The following UBE4B variants were observed in gnomAD, a reference collection of about 807,000 sequenced individuals.
UBE4B encodes the protein ubiquitin conjugation factor E4 B.
Under a neutral mutation model 148.1 loss-of-function variants are expected in UBE4B, and 27 were observed. The observed-to-expected ratio is 0.18, with a 90% confidence interval of 0.13 to 0.25. The LOEUF (loss-of-function observed/expected upper bound fraction) is 0.25, where lower values mean the gene tolerates loss of function less well. Among genes scored for constraint, UBE4B ranks in the 10% least tolerant of loss-of-function variants. The pLI is 1.00. For synonymous variants in UBE4B, 596 were observed against 619.3 expected (o/e 0.96, Z 0.56); for missense variants, 1,170 against 1,662.4 (o/e 0.70, Z 5.15).
intron 1 of UBE4B, among the ~76,000 whole-genome samples, chr1:10,071,818 G>T (rs575095685): frequency 2.0e-5 from 3 of 152,044 alleles, no homozygotes; most frequent in Non-Finnish European, 2.9e-5. Context: ...GGCAGGCACC[G>T]CTGAACCTGG....
chr1:10,143,416 A>G (rs927119436), intron 17 of UBE4B, among the ~76,000 whole-genome samples: 2 of 151,916 alleles, frequency 1.3e-5, no homozygotes, highest in African/African-American at 4.8e-5. Context: ...AAAAGACAAC[A>G]ACAAGATCTC....
rs535684391 is a variant in UBE4B at position 10,087,599 on chromosome 1, C to T, written c.212-7862C>T. ...GTCTGGTGTTTTGCTCATGATAAGA[C>T]TGGGGTTGTGGGTTTTGGGGAAGAT... On this transcript the variant is annotated intron_variant, in intron 2 of 27. Coordinates refer to ENST00000343090, the MANE Select transcript of UBE4B (RefSeq NM_001105562.3). Among the ~76,000 whole-genome samples, 15 of 152,310 alleles carry T rather than the reference C, an allele frequency of 9.8e-5. No individual in the cohort carries two copies. The East Asian group carries it at 2.9e-3, about 29-fold the overall frequency.
intron 12 of UBE4B, among the ~76,000 whole-genome samples, chr1:10,129,695 G>A (rs1007777459): frequency 2.0e-5 from 3 of 152,048 alleles, no homozygotes; most frequent in Non-Finnish European, 4.4e-5. Flanking sequence ...CACCCAGGCT[G>A]GATGGAGTGC....
At chr1:10,076,891 C>T (rs532770558) in intron 2 of UBE4B, among the ~76,000 whole-genome samples, 23 of 151,480 alleles carry the variant, frequency 1.5e-4, no homozygotes, top group South Asian at 2.1e-4. Context: ...GGATTACAGG[C>T]GCCTGCCACC....
chr1:10,147,963 C>T (rs774075678), intron 19 of UBE4B, among the ~76,000 whole-genome samples: 6 of 152,176 alleles, frequency 3.9e-5, no homozygotes, highest in Non-Finnish European at 7.3e-5. Context: ...TGCGGTGGCT[C>T]ACGCCTATAA....
At chr1:10,166,079 C>T (rs1038233459) in intron 23 of UBE4B, among the ~76,000 whole-genome samples, 1 of 152,156 alleles carries the variant, frequency 6.6e-6, no homozygotes, top group African/African-American at 2.4e-5. Context: ...CCCCCAGTAT[C>T]CCTGCAGAAT....
intron 1 of UBE4B, among the ~76,000 whole-genome samples, chr1:10,039,715 C>T (rs1430444461): frequency 1.3e-5 from 2 of 151,882 alleles, no homozygotes; most frequent in Non-Finnish European, 2.9e-5. Flanking sequence ...GCTGGGATTA[C>T]AGGCGTGAGC....
At chr1:10,149,151 T>C in intron 19 of UBE4B, 33 bp from the exon 20 acceptor site, 2 of 1,474,340 alleles carry the variant, frequency 1.4e-6, no homozygotes, top group South Asian at 1.3e-5. Context: ...CATAATTTCA[T>C]TTAATAAATT....
intron 7 of UBE4B, chr1:10,107,311 G>T: frequency 7.8e-7 from 1 of 1,289,590 alleles, no homozygotes; most frequent in Non-Finnish European, 1.0e-6. Context: ...GATGATGATG[G>T]TGATGGTGAT....
At chr1:10,171,517 AG>A (rs1396677115) in intron 25 of UBE4B, among the ~76,000 whole-genome samples, 188 bp downstream of exon 25, 1 of 152,318 alleles carries the variant, frequency 6.6e-6, no homozygotes, top group East Asian at 1.9e-4. Context: ...AGGCCAAGGC[AG>A]GGGGATTGCT....
At chr1:10,038,056 G>C (rs894107157) in intron 1 of UBE4B, among the ~76,000 whole-genome samples, 15 of 152,058 alleles carry the variant, frequency 9.9e-5, no homozygotes, top group African/African-American at 3.6e-4. Flanking sequence ...CGAGGTGGGT[G>C]GATCACCTGA....
Position 10,179,022 on chromosome 1 carries a change from A to G in UBE4B, c.3700+204A>G, listed in dbSNP as rs551743877. On this transcript the variant is annotated intron_variant, in intron 26 of 27. Transcript: ENST00000343090. ...AAACATCCTTAGCTTAGCCTGACTT[A>G]AAGCCAGATAACAACCCTGAAGATT... is the stretch of plus-strand genomic sequence containing the variant. 6.4e-5 allele frequency: 35 copies of G among 550,756 alleles called. 1 individual carries two copies. In the South Asian group the frequency reaches 1.2e-3, roughly 20 times the overall value. The allele number at this position is 550,756 out of a possible 1,614,324, so 34.1% of individuals were successfully genotyped here.
intron 12 of UBE4B, among the ~76,000 whole-genome samples, 166 bp downstream of exon 12, chr1:10,129,614 G>A (rs1410194943): frequency 2.6e-5 from 4 of 152,098 alleles, no homozygotes; most frequent in African/African-American, 4.8e-5. Context: ...TGTTAGACAC[G>A]TTATATCCTG....
chr1:10,076,961 G>A (rs1644594765), intron 2 of UBE4B, among the ~76,000 whole-genome samples: 1 of 151,812 alleles, frequency 6.6e-6, no homozygotes, highest in Non-Finnish European at 1.5e-5. Flanking sequence ...TGGCCAGGCT[G>A]GTCTCGAACT....
At chr1:10,081,210 G>C (rs1420597599) in intron 2 of UBE4B, among the ~76,000 whole-genome samples, 1 of 151,018 alleles carries the variant, frequency 6.6e-6, no homozygotes, top group Non-Finnish European at 1.5e-5. Context: ...TTACAGGCCT[G>C]TGCCACCATG....
At chr1:10,114,850 C>T (rs940005085) in intron 7 of UBE4B, among the ~76,000 whole-genome samples, 2 of 152,018 alleles carry the variant, frequency 1.3e-5, no homozygotes, top group African/African-American at 4.8e-5. Context: ...GATGACAGAG[C>T]GAGACTCCAT....
rs556699640 is a variant in UBE4B at position 10,049,783 on chromosome 1, G to A, written c.24+16089G>A. On this transcript the variant is annotated intron_variant, in intron 1 of 27. Coordinates refer to ENST00000343090, the MANE Select transcript of UBE4B (RefSeq NM_001105562.3). ...CATGCACCTGTGGTCCCAGCTACTC[G>A]GGAGGCTGAGATGGGAGAATCACTT... is the stretch of plus-strand genomic sequence containing the variant. 1.9e-4 allele frequency among the ~76,000 whole-genome samples: 29 copies of A among 151,552 alleles called. 1 individual carries two copies. Among genetic ancestry groups the A allele is most frequent in the Admixed American group, 1.7e-3 (26 of 15,192 alleles).
intron 2 of UBE4B, among the ~76,000 whole-genome samples, chr1:10,082,086 T>C (rs1225264134): frequency 1.3e-5 from 2 of 152,212 alleles, no homozygotes; most frequent in Non-Finnish European, 2.9e-5. Flanking sequence ...GGTTGTTACA[T>C]TGATTTATTG....
In UBE4B at chr1:10,151,467, T is replaced by C; in HGVS notation, c.2832T>C (p.Ala944=). The C allele has an allele frequency of 1.2e-6, 2 of 1,614,212 alleles. No homozygotes were observed. Among genetic ancestry groups the C allele is most frequent in the Non-Finnish European group, 1.7e-6 (2 of 1,180,038 alleles). Residue 944 remains alanine (A), a synonymous_variant, in exon 21 of 28, where the codon GCT becomes GCC. Transcript: ENST00000343090. ...AAGTCATGTTTATGACCAACCCTGC[T>C]GTTCAGCCACGAACCCAGAAGTTTT... is the stretch of plus-strand genomic sequence containing the variant. ...LVEVMFMTNP[A]VQPRTQKFFE...
Sources: gnomAD v4.1 joint callset for allele counts (sites outside exome capture counted in the v4.1 genomes callset) on GRCh38, gnomAD v4.1.1 for gene constraint, MANE v1.5 for transcripts, NCBI Gene and HGNC (gene_info 2026-07-23, HGNC 2026-07-21) for gene names.